HMCN1: variants seen among roughly 807,000 people sequenced by gnomAD.
The protein encoded by HMCN1 is hemicentin-1.
HMCN1 carries 321 observed loss-of-function variants against 625.9 expected under a neutral mutation model. The observed-to-expected ratio is 0.51, with a 90% CI of 0.47 to 0.56. The LOEUF is 0.56. Among genes scored for constraint, HMCN1 ranks in the 20% least tolerant of loss-of-function variants. The pLI is 0.00. For missense variants in HMCN1, 6,588 were observed against 6,887.3 expected (o/e 0.96, Z 1.54); for synonymous variants, 2,425 against 2,417.6 (o/e 1.00, Z -0.09).
rs745741908 is a variant in HMCN1, at chr1:186,062,496, G to T, written c.7427-18G>T. ...TGCTGTTAAGAGCTGTTATTTTGTTGTTGTTGTTGTTTTTTAGTACCACCT... is the reference window on the plus strand; with the variant it reads ...TGCTGTTAAGAGCTGTTATTTTGTTTTTGTTGTTGTTTTTTAGTACCACCT... On this transcript the variant is annotated intron_variant, in intron 47 of 106. Transcript: ENST00000271588. 7.5e-6 allele frequency: 11 copies of T among 1,472,254 alleles called. No individual in the cohort carries two copies. Among genetic ancestry groups the T allele is most frequent in the Non-Finnish European group, 9.5e-6 (10 of 1,051,408 alleles). 91.2% of individuals were successfully genotyped at this position (1,472,254 alleles called of 1,614,324 possible).
chr1:186,187,698 G>A (rs1653427936), intron 105 of HMCN1, among the ~76,000 whole-genome samples, 185 bp from the exon 106 acceptor site: 1 of 151,950 alleles, frequency 6.6e-6, no homozygotes, highest in African/African-American at 2.4e-5. Flanking sequence ...AGGCAACCTG[G>A]GAAATAACCC....
In HMCN1 at chr1:186,065,443, T is replaced by A; in HGVS notation, c.7705+14T>A. On this transcript the variant is annotated intron_variant, in intron 49 of 106. Transcript: ENST00000271588. Reference sequence around the variant, plus strand: ...TTAATGTATTTGGTAGGTGTGGGCTTTTCTTCATATCTTAAAGAATCTGAC... The same window carrying A: ...TTAATGTATTTGGTAGGTGTGGGCTATTCTTCATATCTTAAAGAATCTGAC... 1 of 1,561,132 alleles carries A rather than the reference T, an allele frequency of 6.4e-7. No individual in the cohort carries two copies. The highest frequency in any genetic ancestry group is 8.6e-7 in the Non-Finnish European group (1 of 1,160,732).
intron 4 of HMCN1, among the ~76,000 whole-genome samples, chr1:185,880,031 G>T (rs904507635): frequency 2.0e-5 from 3 of 152,174 alleles, no homozygotes; most frequent in Non-Finnish European, 2.9e-5. Context: ...CAGGAGTGGG[G>T]AATGAAAAGG....
chr1:186,051,816 C>T (rs1656971223), intron 42 of HMCN1, among the ~76,000 whole-genome samples: 1 of 151,926 alleles, frequency 6.6e-6, no homozygotes, highest in Admixed American at 6.6e-5. Flanking sequence ...AGTGAAAGCA[C>T]TTGAGATTCA....
Position 186,038,819 on chromosome 1 carries a change from C to T in HMCN1, c.5852-10C>T, listed in dbSNP as rs1033194398. On this transcript the variant is annotated splice_polypyrimidine_tract_variant and intron_variant, in intron 37 of 106. Coordinates refer to ENST00000271588, the MANE Select transcript of HMCN1 (RefSeq NM_031935.3). ...TTTACATAGATCATCTTCTCCCCTTCTTCTTTCAGTTATTACATGGTACAA... is the reference window on the plus strand; with the variant it reads ...TTTACATAGATCATCTTCTCCCCTTTTTCTTTCAGTTATTACATGGTACAA... The T allele has an allele frequency of 6.3e-7, 1 of 1,575,876 alleles. No individual in the cohort carries two copies. The highest frequency in any genetic ancestry group is 8.7e-7 in the Non-Finnish European group (1 of 1,145,444).
At chr1:186,047,742 G>A (rs1656671258) in intron 41 of HMCN1, among the ~76,000 whole-genome samples, 1 of 152,080 alleles carries the variant, frequency 6.6e-6, no homozygotes. Flanking sequence ...TTAATTGATT[G>A]AGTTTCCTTA....
chr1:185,803,813 A>G (rs1210635245), intron 1 of HMCN1, among the ~76,000 whole-genome samples: 1 of 152,114 alleles, frequency 6.6e-6, no homozygotes, highest in African/African-American at 2.4e-5. Context: ...TTTGTCATCT[A>G]TAAAACAAAG....
intron 30 of HMCN1, among the ~76,000 whole-genome samples, chr1:186,012,547 G>C (rs113935706): frequency 6.6e-6 from 1 of 151,992 alleles, no homozygotes; most frequent in South Asian, 2.1e-4. Context: ...GTTGCTCCCA[G>C]TGTTCTCAAC....
Position 186,137,804 on chromosome 1 carries a change from G to T in HMCN1, c.13756G>T (p.Asp4586Tyr). Residue 4586 changes from aspartate to tyrosine, a missense_variant and splice_region_variant, in exon 89 of 107, where the codon GAT becomes TAT. Physicochemically the swap from Asp to Tyr is radical, Grantham distance 160 (BLOSUM62 -3). Transcript: ENST00000271588. Reference sequence around the variant, plus strand: ...TGTAATGGTTCACCTTTGTATAGTGGATGGTAGCTGGTCGGAATGGAGTCT... The same window carrying T: ...TGTAATGGTTCACCTTTGTATAGTGTATGGTAGCTGGTCGGAATGGAGTCT... ...RNCQNKPCPV[D>Y]GSWSEWSLWE... The T allele has an allele frequency of 6.2e-7, 1 of 1,614,124 alleles. No homozygotes were observed. The highest frequency in any genetic ancestry group is 8.5e-7 in the Non-Finnish European group (1 of 1,179,990).
rs1362390315 is a variant in HMCN1 at position 186,190,547 on chromosome 1, A to AAAG, written c.*671_*673dup. ...AACCACTTATGATAATAATAATAAA[A>AAAG]AAGACTGCTTTGCCCTCACGTCAGT... On this transcript the variant is annotated 3_prime_UTR_variant, in exon 107 of 107. Transcript: ENST00000271588. 6 of 202,748 alleles carry AAAG rather than the reference A, an allele frequency of 3.0e-5. No individual in the cohort carries two copies. Among genetic ancestry groups the AAAG allele is most frequent in the South Asian group, 1.9e-4 (1 of 5,232 alleles). 12.6% of individuals were successfully genotyped at this position (202,748 alleles called of 1,614,324 possible).
rs772256410 is a variant in HMCN1 at position 186,151,153 on chromosome 1, G to A, written c.14609-47G>A. On this transcript the variant is annotated intron_variant, in intron 93 of 106. Coordinates refer to ENST00000271588, the MANE Select transcript of HMCN1 (RefSeq NM_031935.3). ...GCCCTCTTTTCTCCCATGTAATGTT[G>A]ATGAAATTGCATCCTTATCCAGGAA... 1.6e-5 allele frequency: 26 copies of A among 1,601,044 alleles called. No individual in the cohort carries two copies. The East Asian group carries it at 5.4e-4, about 33-fold the overall frequency.
At chr1:185,946,494 G>T (rs1404232982) in intron 11 of HMCN1, among the ~76,000 whole-genome samples, 3 of 152,150 alleles carry the variant, frequency 2.0e-5, no homozygotes, top group African/African-American at 4.8e-5. Context: ...AAGCCAAATG[G>T]GAAGGCAAGT....
At chr1:186,130,748 C>T (rs76476061) in intron 85 of HMCN1, 51 bp downstream of exon 85, 1 of 1,483,814 alleles carries the variant, frequency 6.7e-7, no homozygotes, top group Admixed American at 1.7e-5. Context: ...ACAGCCAATA[C>T]CCCTCTGTGA....
intron 74 of HMCN1, 87 bp downstream of exon 74, chr1:186,115,033 A>G (rs1019389263): frequency 3.8e-6 from 6 of 1,582,376 alleles, no homozygotes; most frequent in Non-Finnish European, 5.2e-6. Flanking sequence ...AGATCTTGAC[A>G]TTGAAGGCTA....
At chr1:185,754,629 C>T (rs1215094746) in intron 1 of HMCN1, among the ~76,000 whole-genome samples, 1 of 152,098 alleles carries the variant, frequency 6.6e-6, no homozygotes, top group Non-Finnish European at 1.5e-5. Context: ...GAGGTGATAT[C>T]ACAATAGCTA....
In HMCN1 at chr1:186,145,814, T is replaced by C; in HGVS notation, c.14499T>C (p.Gly4833=). The change falls in exon 93 of 107, where the codon GGT becomes GGC. Residue 4833 remains glycine, a synonymous_variant. Transcript: ENST00000271588. ...AGTGCTCTGCCTCCTGTGGAGGAGG[T>C]GAAAAGACTCGGAAGCGGCTGTGCG... ...WSQCSASCGG[G]EKTRKRLCDH... is the part of the protein sequence containing the mutation. 6.2e-7 allele frequency: 1 copy of C among 1,613,792 alleles called. No homozygotes were observed. Among genetic ancestry groups the C allele is most frequent in the Non-Finnish European group, 8.5e-7 (1 of 1,179,950 alleles).
intron 45 of HMCN1, among the ~76,000 whole-genome samples, chr1:186,056,382 A>G (rs1178309005): frequency 1.3e-5 from 2 of 152,014 alleles, no homozygotes; most frequent in East Asian, 3.9e-4. Context: ...AATTTTTAGA[A>G]TTAGATGATT....
chr1:186,171,257 A>T, intron 100 of HMCN1, 80 bp from the exon 101 acceptor site: 2 of 1,004,220 alleles, frequency 2.0e-6, no homozygotes, highest in African/African-American at 1.6e-5. Flanking sequence ...GTAATGATCA[A>T]GATCATTAAA....
rs774667889 is a variant in HMCN1 at position 186,086,422 on chromosome 1, AT to A, written c.9046+17del. On this transcript the variant is annotated intron_variant, in intron 58 of 106. Coordinates refer to ENST00000271588, the MANE Select transcript of HMCN1 (RefSeq NM_031935.3). Reference sequence around the variant, plus strand: ...CATTGTGCCTGGTAAGGAACTTCTTATTATAAAGCAGGCAAAATTTTCTCAT... The same window carrying A: ...CATTGTGCCTGGTAAGGAACTTCTTATATAAAGCAGGCAAAATTTTCTCAT... 1 of 1,612,196 alleles carries A rather than the reference AT, an allele frequency of 6.2e-7. No homozygotes were observed. Among genetic ancestry groups the A allele is most frequent in the South Asian group, 1.1e-5 (1 of 91,044 alleles).
Sources: allele counts gnomAD v4.1 joint callset (sites outside exome capture counted in the v4.1 genomes callset), GRCh38; gene constraint gnomAD v4.1.1; transcripts MANE v1.5; gene names NCBI Gene and HGNC (gene_info 2026-07-23, HGNC 2026-07-21).